The following CAMK1D variants were observed in gnomAD, a reference collection of about 807,000 sequenced individuals.
CAMK1D encodes the protein calcium/calmodulin-dependent protein kinase type 1D.
A neutral mutation model predicts 47.7 loss-of-function variants in CAMK1D; 9 were observed. That is an observed-to-expected ratio of 0.19 (90% CI 0.11 to 0.33). The LOEUF is 0.33. Among genes scored for constraint, CAMK1D ranks in the 10% least tolerant of loss-of-function variants. The pLI is 1.00. For synonymous variants in CAMK1D, 184 were observed against 184.9 expected (o/e 0.99, Z 0.04); for missense variants, 291 against 488.7 (o/e 0.60, Z 3.81).
At chr10:12,596,638 G>A (rs1335614454) in intron 2 of CAMK1D, among the ~76,000 whole-genome samples, 1 of 152,116 alleles carries the variant, frequency 6.6e-6, no homozygotes, top group Non-Finnish European at 1.5e-5. Context: ...TTGAAACTTA[G>A]GGAGCAGTAG....
chr10:12,613,351 A>C (rs1588689871), intron 2 of CAMK1D, among the ~76,000 whole-genome samples: 1 of 151,834 alleles, frequency 6.6e-6, no homozygotes, highest in Admixed American at 6.5e-5. Context: ...GCATTACACG[A>C]GACTGTGACA....
chr10:12,567,816 A>T (rs1837170922), intron 2 of CAMK1D, among the ~76,000 whole-genome samples: 1 of 152,132 alleles, frequency 6.6e-6, no homozygotes, highest in African/African-American at 2.4e-5. Flanking sequence ...GGCAGCCCTA[A>T]AGCACGGCAG....
intron 1 of CAMK1D, among the ~76,000 whole-genome samples, chr10:12,386,078 A>T (rs1364252628): frequency 1.3e-5 from 2 of 152,142 alleles, no homozygotes; most frequent in East Asian, 3.8e-4. Context: ...TGAATTTTGG[A>T]TTGTATCTCA....
Position 12,824,490 on chromosome 10 carries a change from A to G in CAMK1D, c.859A>G (p.Lys287Glu). The G allele has an allele frequency of 6.2e-7, 1 of 1,614,148 alleles. No homozygotes were observed. Among genetic ancestry groups the G allele is most frequent in the Non-Finnish European group, 8.5e-7 (1 of 1,180,004 alleles). Reference sequence around the variant, plus strand: ...GATCGCTGGTGACACAGCCCTCAACAAAAACATCCACGAGTCCGTCAGCGC... The same window carrying G: ...GATCGCTGGTGACACAGCCCTCAACGAAAACATCCACGAGTCCGTCAGCGC... ...PWIAGDTALN[K>E]NIHESVSAQI... Residue 287 changes from lysine to glutamate, a missense_variant, in exon 9 of 11, where the codon AAA becomes GAA. This residue lies in a region of CAMK1D where 219 missense variants were observed against 424.3 expected (regional missense o/e 0.52). Coordinates refer to ENST00000619168, the MANE Select transcript of CAMK1D (RefSeq NM_153498.4).
chr10:12,387,445 T>TTATATATATA (rs373637712), intron 1 of CAMK1D, among the ~76,000 whole-genome samples: 86 of 66,596 alleles, frequency 1.3e-3, no homozygotes, highest in African/African-American at 3.3e-3. Context: ...TATATATATT[T>TTATATATATA]TATATATATA....
At chr10:12,571,945 T>C (rs1402566901) in intron 2 of CAMK1D, among the ~76,000 whole-genome samples, 1 of 152,046 alleles carries the variant, frequency 6.6e-6, no homozygotes, top group African/African-American at 2.4e-5. Context: ...GTATTTTAGA[T>C]AGTTAATGTA....
chr10:12,697,378 C>G (rs1318911066), intron 3 of CAMK1D, among the ~76,000 whole-genome samples: 1 of 152,078 alleles, frequency 6.6e-6, no homozygotes, highest in Non-Finnish European at 1.5e-5. Context: ...GCAGCAGCGT[C>G]GCTAAGTATT....
At chr10:12,640,633 A>G (rs1447256180) in intron 2 of CAMK1D, among the ~76,000 whole-genome samples, 2 of 152,190 alleles carry the variant, frequency 1.3e-5, no homozygotes, top group African/African-American at 2.4e-5. Flanking sequence ...TATGTGAGCT[A>G]TAAGTAGACT....
intron 2 of CAMK1D, among the ~76,000 whole-genome samples, chr10:12,557,107 G>A (rs976278583): frequency 5.3e-5 from 8 of 152,164 alleles, no homozygotes; most frequent in African/African-American, 1.7e-4. Flanking sequence ...AAATACCAGA[G>A]CGGGAGGGCA....
At chr10:12,745,858 C>A (rs1835649118) in intron 3 of CAMK1D, among the ~76,000 whole-genome samples, 1 of 152,080 alleles carries the variant, frequency 6.6e-6, no homozygotes, top group Non-Finnish European at 1.5e-5. Context: ...TGCGCTTCGG[C>A]CCCCCAAAGT....
chr10:12,599,616 C>T (rs113925646), intron 2 of CAMK1D, among the ~76,000 whole-genome samples: 68 of 152,298 alleles, frequency 4.5e-4, no homozygotes, highest in African/African-American at 1.3e-3. Flanking sequence ...AAGAGAGCAA[C>T]GTGAACACGA....
At chr10:12,499,007 G>C (rs950067519) in intron 1 of CAMK1D, among the ~76,000 whole-genome samples, 12 of 150,784 alleles carry the variant, frequency 8.0e-5, no homozygotes, top group Non-Finnish European at 1.8e-4. Context: ...ACAAGGCGTA[G>C]ATTGCAAATG....
intron 1 of CAMK1D, among the ~76,000 whole-genome samples, chr10:12,504,378 C>T (rs1834806888): frequency 6.6e-6 from 1 of 152,062 alleles, no homozygotes; most frequent in Admixed American, 6.5e-5. Context: ...AGTCCAAAGA[C>T]CCAAGAATCA....
At chr10:12,685,826 T>C (rs1435280478) in intron 3 of CAMK1D, among the ~76,000 whole-genome samples, 2 of 152,124 alleles carry the variant, frequency 1.3e-5, no homozygotes, top group African/African-American at 4.8e-5. Flanking sequence ...AACAGATGAG[T>C]GGGCAGTCAT....
chr10:12,429,840 C>T (rs1427400606), intron 1 of CAMK1D, among the ~76,000 whole-genome samples: 1 of 152,142 alleles, frequency 6.6e-6, no homozygotes, highest in Non-Finnish European at 1.5e-5. Context: ...CGCAAGGTTT[C>T]ACCTCTGGTG....
At chr10:12,462,236 G>C (rs184777631) in intron 1 of CAMK1D, among the ~76,000 whole-genome samples, 7 of 138,528 alleles carry the variant, frequency 5.1e-5, no homozygotes, top group African/African-American at 1.9e-4. Flanking sequence ...CGTGATCTTG[G>C]CTCACTGCAA....
chr10:12,764,386 A>AAAAAAAC (rs1554822769), intron 4 of CAMK1D, among the ~76,000 whole-genome samples: 1 of 151,214 alleles, frequency 6.6e-6, no homozygotes, highest in Non-Finnish European at 1.5e-5. Flanking sequence ...TGTCTCAAAA[A>AAAAAAAC]AAAAAAAAAA....
At chr10:12,748,086 A>G (rs1835767914) in intron 3 of CAMK1D, among the ~76,000 whole-genome samples, 1 of 152,216 alleles carries the variant, frequency 6.6e-6, no homozygotes, top group Admixed American at 6.5e-5. Context: ...GATGCAGCGA[A>G]GGGATGCTAA....
chr10:12,553,220 C>G lies in CAMK1D; in HGVS notation c.93-5C>G. On this transcript the variant is annotated splice_region_variant and splice_polypyrimidine_tract_variant and intron_variant, in intron 1 of 10. Transcript: ENST00000619168. ...AAGTGTTCTTTTTTCCTTCTTTGTT[C>G]ACAGCGGGGCCTTTTCCGAAGTGGT... is the stretch of plus-strand genomic sequence containing the variant. The G allele has an allele frequency of 6.2e-7, 1 of 1,613,366 alleles. No homozygotes were observed. The highest frequency in any genetic ancestry group is 8.5e-7 in the Non-Finnish European group (1 of 1,179,664).
Sources: allele counts gnomAD v4.1 joint callset (sites outside exome capture counted in the v4.1 genomes callset), GRCh38; gene constraint gnomAD v4.1.1; regional missense constraint gnomAD v4.1.1; transcripts MANE v1.5; gene names NCBI Gene and HGNC (gene_info 2026-07-23, HGNC 2026-07-21).